The following DNM3 variants were observed in gnomAD, a reference collection of about 807,000 sequenced individuals.
DNM3 encodes the protein dynamin-3.
In DNM3, 47 loss-of-function variants were observed where a neutral mutation model predicts 101.6. The observed-to-expected ratio is 0.46, with a 90% confidence interval of 0.37 to 0.59. DNM3 has a LOEUF of 0.59. Among genes scored for constraint, DNM3 ranks in the 20% least tolerant of loss-of-function variants. DNM3 has a pLI of 0.00. For synonymous variants in DNM3, 385 were observed against 387.9 expected (o/e 0.99, Z 0.09); for missense variants, 849 against 1,085.7 (o/e 0.78, Z 3.06).
chr1:172,292,289 G>A (rs2757486), intron 15 of DNM3, among the ~76,000 whole-genome samples: 13,067 of 152,176 alleles, frequency 0.086, 697 homozygotes, highest in African/African-American at 0.15. Context: ...GCCTCAGGCA[G>A]TGTCACATAA....
intron 12 of DNM3, among the ~76,000 whole-genome samples, chr1:172,084,256 A>C (rs2053369706): frequency 6.6e-6 from 1 of 152,174 alleles, no homozygotes; most frequent in African/African-American, 2.4e-5. Flanking sequence ...CTTTAAAAAA[A>C]ACTATGGTGT....
chr1:172,094,370 T>C (rs1347060438), intron 13 of DNM3, among the ~76,000 whole-genome samples: 1 of 152,210 alleles, frequency 6.6e-6, no homozygotes, highest in Non-Finnish European at 1.5e-5. Flanking sequence ...CTCTAATTTC[T>C]ACCACGGATA....
intron 14 of DNM3, among the ~76,000 whole-genome samples, chr1:172,180,924 A>T (rs1264852675): frequency 6.6e-6 from 1 of 152,112 alleles, no homozygotes; most frequent in African/African-American, 2.4e-5. Flanking sequence ...AATAACATTA[A>T]ACAAGAATAA....
intron 4 of DNM3, among the ~76,000 whole-genome samples, chr1:172,006,586 AT>A (rs2046705026): frequency 6.6e-6 from 1 of 151,952 alleles, no homozygotes; most frequent in South Asian, 2.1e-4. Flanking sequence ...TCTTAAATCT[AT>A]TTTATTTATT....
chr1:171,984,601 T>C (rs2045103849), intron 2 of DNM3, among the ~76,000 whole-genome samples: 1 of 152,198 alleles, frequency 6.6e-6, no homozygotes, highest in Admixed American at 6.5e-5. Flanking sequence ...AAGCAACCCC[T>C]TTCCCAGAGC....
chr1:172,304,955 A>G (rs2148861628), intron 15 of DNM3, among the ~76,000 whole-genome samples: 1 of 152,314 alleles, frequency 6.6e-6, no homozygotes, highest in East Asian at 1.9e-4. Context: ...TGACACCCTA[A>G]CATCACAATT....
chr1:172,110,082 T>C (rs1185870753), intron 13 of DNM3, among the ~76,000 whole-genome samples: 1 of 152,208 alleles, frequency 6.6e-6, no homozygotes, highest in African/African-American at 2.4e-5. Context: ...CCTTTACATA[T>C]AAGATAAAGT....
At chr1:172,033,515 G>A (rs1242212207) in intron 6 of DNM3, among the ~76,000 whole-genome samples, 1 of 152,088 alleles carries the variant, frequency 6.6e-6, no homozygotes, top group East Asian at 1.9e-4. Context: ...TAGGAACAGT[G>A]AACAGGGATA....
chr1:171,966,713 G>A (rs2043613330), intron 2 of DNM3, among the ~76,000 whole-genome samples: 1 of 152,162 alleles, frequency 6.6e-6, no homozygotes, highest in Non-Finnish European at 1.5e-5. Flanking sequence ...TATGCAGTGG[G>A]TACCATGTGT....
chr1:172,268,478 T>A (rs778456408), intron 15 of DNM3, among the ~76,000 whole-genome samples: 26 of 152,090 alleles, frequency 1.7e-4, no homozygotes, highest in Admixed American at 3.3e-4. Context: ...AGAGTGTCCC[T>A]CTAGTTGTGA....
chr1:172,170,386 A>G (rs1479669744), intron 14 of DNM3, among the ~76,000 whole-genome samples: 1 of 151,796 alleles, frequency 6.6e-6, no homozygotes, highest in East Asian at 1.9e-4. Flanking sequence ...ACAAAGCAGG[A>G]GGGTAAAGAT....
chr1:172,303,818 C>G (rs955643135), intron 15 of DNM3, among the ~76,000 whole-genome samples: 1 of 152,076 alleles, frequency 6.6e-6, no homozygotes, highest in Non-Finnish European at 1.5e-5. Flanking sequence ...CCTTTACAGA[C>G]AAGCAAATGC....
At chr1:172,295,305 T>C (rs1395525769) in intron 15 of DNM3, among the ~76,000 whole-genome samples, 3 of 152,188 alleles carry the variant, frequency 2.0e-5, no homozygotes, top group Non-Finnish European at 2.9e-5. Context: ...AGGTAGAAGA[T>C]GCCTGATGGT....
At chr1:172,220,576 A>G (rs2060871250) in intron 14 of DNM3, among the ~76,000 whole-genome samples, 2 of 152,060 alleles carry the variant, frequency 1.3e-5, no homozygotes, top group African/African-American at 2.4e-5. Context: ...TCTTTATCTC[A>G]GTTCACAGAG....
chr1:172,171,606 C>T (rs1572820527), intron 14 of DNM3, among the ~76,000 whole-genome samples: 1 of 151,840 alleles, frequency 6.6e-6, no homozygotes. Context: ...ATACTGTCTA[C>T]AACTGCTGTG....
chr1:172,061,178 C>T (rs2051160399), intron 10 of DNM3, among the ~76,000 whole-genome samples: 1 of 151,068 alleles, frequency 6.6e-6, no homozygotes, highest in African/African-American at 2.4e-5. Flanking sequence ...GAAGGGCAAT[C>T]ATTAAAAAGT....
At chr1:172,286,513 G>T (rs1225000187) in intron 15 of DNM3, among the ~76,000 whole-genome samples, 2 of 152,156 alleles carry the variant, frequency 1.3e-5, no homozygotes, top group African/African-American at 4.8e-5. Context: ...TGGCTGTTTG[G>T]CTTGTCCCCC....
rs555124255 is a variant in DNM3 at position 172,079,104 on chromosome 1, G to A, written c.1423-2728G>A. Among the ~76,000 whole-genome samples the A allele has an allele frequency of 4.6e-5, 7 of 152,276 alleles. No individual in the cohort carries two copies. The South Asian group carries it at 1.5e-3, about 32-fold the overall frequency. On this transcript the variant is annotated intron_variant, in intron 11 of 20. Transcript: ENST00000627582. ...TCTGATGATTATGTGTCTTGGGGTT[G>A]CTCTTCTTGAGGAGTATCTTTGTGG...
At chr1:172,145,766 A>T (rs999235753) in intron 14 of DNM3, among the ~76,000 whole-genome samples, 1 of 152,130 alleles carries the variant, frequency 6.6e-6, no homozygotes, top group South Asian at 2.1e-4. Flanking sequence ...TTTCACTTGT[A>T]ATTCCTGATT....
Sources: allele counts gnomAD v4.1 joint callset (sites outside exome capture counted in the v4.1 genomes callset), GRCh38; gene constraint gnomAD v4.1.1; transcripts MANE v1.5; gene names NCBI Gene and HGNC (gene_info 2026-07-23, HGNC 2026-07-21).